Variants in PTPRE observed in about 807,000 individuals in gnomAD.
The protein encoded by PTPRE is receptor-type tyrosine-protein phosphatase epsilon.
A neutral mutation model predicts 102.0 loss-of-function variants in PTPRE; 51 were observed. The observed-to-expected ratio is 0.50, with a 90% CI of 0.40 to 0.63. The LOEUF (loss-of-function observed/expected upper bound fraction) is 0.63. Ranked by LOEUF, PTPRE falls within the 30% of genes least tolerant of loss-of-function variation. The pLI, the probability that PTPRE is intolerant of heterozygous loss-of-function variation, is 0.00. For missense variants in PTPRE, 752 were observed against 915.1 expected, an observed-to-expected ratio of 0.82 and a Z score of 2.30; for synonymous variants, 345 against 348.2, an observed-to-expected ratio of 0.99 and a Z score of 0.10.
intron 2 of PTPRE, among the ~76,000 whole-genome samples, chr10:128,006,636 CA>C (rs2135582723): frequency 6.6e-6 from 1 of 152,286 alleles, no homozygotes; most frequent in South Asian, 2.1e-4. Flanking sequence ...GTTCAGGGAT[CA>C]TGTTTTTGTC....
At chr10:128,026,940 C>T (rs540955946) in intron 2 of PTPRE, among the ~76,000 whole-genome samples, 6 of 152,344 alleles carry the variant, frequency 3.9e-5, no homozygotes, top group Non-Finnish European at 7.3e-5. Flanking sequence ...CTTCAGAAAA[C>T]ATACTTTGAG....
rs746436828 is a variant in PTPRE at position 128,079,640 on chromosome 10, T to C, written c.1973T>C (p.Val658Ala). The C allele has an allele frequency of 5.6e-6, 9 of 1,613,942 alleles. No individual in the cohort carries two copies. The highest frequency in any genetic ancestry group is 5.9e-6 in the Non-Finnish European group (7 of 1,179,894). Residue 658 changes from valine to alanine, a missense_variant, in exon 20 of 21, where the codon GTA becomes GCA. This residue lies in a region of PTPRE where 636 missense variants were observed against 824.4 expected (regional missense o/e 0.77). Coordinates refer to ENST00000254667, the MANE Select transcript of PTPRE (RefSeq NM_006504.6). ...ERVKAEGLLD[V>A]FQAVKSLRLQ... ...GTAAAAGCCGAGGGACTTTTAGATGTATTTCAAGCTGTGAAGAGTTTACGA... is the reference window on the plus strand; with the variant it reads ...GTAAAAGCCGAGGGACTTTTAGATGCATTTCAAGCTGTGAAGAGTTTACGA...
chr10:127,944,110 G>T lies in PTPRE; in HGVS notation c.-31+36801G>T, dbSNP rs151177942. On this transcript the variant is annotated intron_variant, in intron 1 of 20. Coordinates refer to ENST00000254667, the MANE Select transcript of PTPRE (RefSeq NM_006504.6). This position sits in a 1 kb window ranked among gnomAD's most constrained non-coding sequence, Gnocchi z 4.2. ...GGCCAAGCTTTGACTTTCGGCCAGG[G>T]TGGAGAGTGGCAGCAAATCATGGTT... Among the ~76,000 whole-genome samples the T allele has an allele frequency of 1.3e-5, 2 of 152,334 alleles. No homozygotes were observed. The highest frequency in any genetic ancestry group is 4.8e-5 in the African/African-American group (2 of 41,564).
rs1851965072 is a variant in PTPRE, at chr10:128,084,567, A to C, written c.*1661A>C. 6.6e-6 allele frequency: 1 copy of C among 152,276 alleles called. No individual in the cohort carries two copies. The highest frequency in any genetic ancestry group is 1.5e-5 in the Non-Finnish European group (1 of 68,086). The allele number at this position is 152,276 out of a possible 1,614,324, so 9.4% of individuals were successfully genotyped here. A position where few individuals can be genotyped will look rare whatever the true frequency, so the allele number is the denominator to read the frequency against. ...ACACTTTGTGACCGCCATCCTCACCAGCTGCATGCCTGGGCTGCACACTGC... is the reference window on the plus strand; with the variant it reads ...ACACTTTGTGACCGCCATCCTCACCCGCTGCATGCCTGGGCTGCACACTGC... On this transcript the variant is annotated 3_prime_UTR_variant, in exon 21 of 21. Coordinates refer to ENST00000254667, the MANE Select transcript of PTPRE (RefSeq NM_006504.6).
chr10:128,019,730 C>T (rs1044675519), intron 2 of PTPRE, among the ~76,000 whole-genome samples: 13 of 152,154 alleles, frequency 8.5e-5, no homozygotes, highest in African/African-American at 2.7e-4. Flanking sequence ...CTCTGTTGGG[C>T]GGGGAGCTCA....
chr10:127,916,012 G>T (rs548373549), intron 1 of PTPRE, among the ~76,000 whole-genome samples: 1 of 150,022 alleles, frequency 6.7e-6, no homozygotes, highest in South Asian at 2.1e-4. Flanking sequence ...AAAAAAAAAG[G>T]CACGATGGCT....
At position 127,932,489 on chromosome 10, in the gene PTPRE, C is replaced by T. The variant is rs145915444; in HGVS notation, c.-31+25180C>T. ...ACAGGTGGAACGGTAAGAACAGTGG[C>T]GAAGAAGGGCTGCACGGAGTTTCTC... On this transcript the variant is annotated intron_variant, in intron 1 of 20. Transcript: ENST00000254667. Among the ~76,000 whole-genome samples, 205 of 152,292 alleles carry T rather than the reference C, an allele frequency of 1.3e-3. 2 individuals are homozygous for T. The highest frequency in any genetic ancestry group is 4.5e-3 in the African/African-American group (185 of 41,554).
intron 1 of PTPRE, among the ~76,000 whole-genome samples, chr10:127,948,292 A>G (rs753559952): frequency 6.6e-5 from 10 of 152,118 alleles, no homozygotes; most frequent in Non-Finnish European, 1.5e-4. Flanking sequence ...AGTGGAAGGT[A>G]GAGAGATTTC....
chr10:128,027,575 C>T (rs949437663), intron 2 of PTPRE, among the ~76,000 whole-genome samples: 5 of 152,228 alleles, frequency 3.3e-5, no homozygotes, highest in African/African-American at 7.2e-5. Flanking sequence ...CCTTTGCTTT[C>T]CTTCCTAATC....
Position 128,085,426 on chromosome 10 carries a change from C to T in PTPRE, c.*2520C>T, listed in dbSNP as rs146673566. The T allele has an allele frequency of 1.1e-3, 217 of 205,188 alleles. No individual in the cohort carries two copies. The highest frequency in any genetic ancestry group is 4.4e-3 in the African/African-American group (192 of 44,014). 12.7% of individuals were successfully genotyped at this position (205,188 alleles called of 1,614,324 possible). On this transcript the variant is annotated 3_prime_UTR_variant, in exon 21 of 21. Transcript: ENST00000254667. ...CAAATGCCAAATAGTGATTAGAAGA[C>T]GACCATTCTGATCTGTGTGTGATCT...
chr10:127,952,831 A>G (rs1433975202), intron 1 of PTPRE, among the ~76,000 whole-genome samples: 1 of 152,166 alleles, frequency 6.6e-6, no homozygotes, highest in East Asian at 1.9e-4. Flanking sequence ...CACAATGACA[A>G]TATGCTGATT....
intron 20 of PTPRE, 137 bp downstream of exon 20, chr10:128,079,832 A>C: frequency 8.4e-6 from 10 of 1,192,376 alleles, no homozygotes; most frequent in Non-Finnish European, 1.2e-5. Flanking sequence ...AGCCAGCTGC[A>C]ATGTTTCGCA....
rs57166500 is a variant in PTPRE, at chr10:127,988,304, CTTT to C, written c.-8+6025_-8+6027del. Among the ~76,000 whole-genome samples, 66 of 123,850 alleles carry C rather than the reference CTTT, an allele frequency of 5.3e-4. No individual in the cohort carries two copies. In the East Asian group the frequency reaches 6.8e-3, roughly 13 times the overall value. The allele number at this position is 123,850 out of a possible 152,430, so 81.3% of individuals were successfully genotyped here. ...CATTTGCAGTGACTTTTTTTCTTTT[CTTT>C]TTTTTTTTTTTTTTTTGAGACTGAA... is the stretch of plus-strand genomic sequence containing the variant. On this transcript the variant is annotated intron_variant, in intron 2 of 20. Transcript: ENST00000254667.
intron 1 of PTPRE, among the ~76,000 whole-genome samples, chr10:127,924,469 C>T (rs918844428): frequency 4.6e-5 from 7 of 152,138 alleles, no homozygotes; most frequent in South Asian, 2.1e-4. Flanking sequence ...CAAGATCCTA[C>T]GCCTACACCT....
intron 1 of PTPRE, among the ~76,000 whole-genome samples, chr10:127,961,910 T>C (rs889345301): frequency 1.3e-5 from 2 of 152,110 alleles, no homozygotes; most frequent in Admixed American, 6.5e-5. Flanking sequence ...AGTGGATAGA[T>C]GAGTGAGTGA....
chr10:128,018,387 T>A (rs1348231073), intron 2 of PTPRE, among the ~76,000 whole-genome samples: 2 of 152,232 alleles, frequency 1.3e-5, no homozygotes, highest in African/African-American at 4.8e-5. Context: ...TCCAACTGCA[T>A]CTCACACACG....
intron 1 of PTPRE, among the ~76,000 whole-genome samples, chr10:127,939,971 T>C (rs1278418743): frequency 6.7e-6 from 1 of 149,880 alleles, no homozygotes; most frequent in Non-Finnish European, 1.5e-5. Flanking sequence ...CGCAGGCAGA[T>C]GTGGGCGGGT....
At chr10:127,957,865 T>C (rs538882711) in intron 1 of PTPRE, among the ~76,000 whole-genome samples, 1 of 152,368 alleles carries the variant, frequency 6.6e-6, no homozygotes, top group East Asian at 1.9e-4. Flanking sequence ...TAGTTGTTAT[T>C]TGATTTCTTT....
chr10:127,920,026 C>T (rs185513626), intron 1 of PTPRE, among the ~76,000 whole-genome samples: 4 of 152,114 alleles, frequency 2.6e-5, no homozygotes, highest in Admixed American at 6.5e-5. Flanking sequence ...CCAGGCTCGG[C>T]GTGCTGTGTC....
Sources: allele counts gnomAD v4.1 joint callset (sites outside exome capture counted in the v4.1 genomes callset), GRCh38; gene constraint gnomAD v4.1.1; regional missense constraint gnomAD v4.1.1; non-coding constraint Gnocchi (gnomAD v3.1); transcripts MANE v1.5; gene names NCBI Gene and HGNC (gene_info 2026-07-23, HGNC 2026-07-21).